Variants in GALNT10 observed in about 807,000 individuals in gnomAD.
The protein encoded by GALNT10 is GalNAc transferase 10.
Under a neutral mutation model 75.0 loss-of-function variants are expected in GALNT10, and 41 were observed. The ratio of observed to expected loss-of-function variants is 0.55; its 90% CI spans 0.43 to 0.71. The LOEUF is 0.71. Ranked by LOEUF, GALNT10 falls within the 30% of genes least tolerant of loss-of-function variation. The pLI, the probability that GALNT10 is intolerant of heterozygous loss-of-function variation, is 0.00. For missense variants in GALNT10, 727 were observed against 818.5 expected, an observed-to-expected ratio of 0.89 and a Z score of 1.36; for synonymous variants, 302 against 313.0, an observed-to-expected ratio of 0.96 and a Z score of 0.37.
intron 1 of GALNT10, among the ~76,000 whole-genome samples, chr5:154,285,998 G>C (rs138763671): frequency 3.7e-4 from 56 of 152,176 alleles, no homozygotes; most frequent in African/African-American, 1.3e-3. Context: ...TCTTTCTACT[G>C]AGTTAACCTG....
intron 1 of GALNT10, among the ~76,000 whole-genome samples, chr5:154,238,451 A>G (rs1753281873): frequency 6.6e-6 from 1 of 152,184 alleles, no homozygotes; most frequent in South Asian, 2.1e-4. Context: ...GAATTAATCT[A>G]TTTCAGGCAG....
At chr5:154,415,253 A>G (rs980908789) in intron 10 of GALNT10, among the ~76,000 whole-genome samples, 3 of 152,224 alleles carry the variant, frequency 2.0e-5, no homozygotes, top group African/African-American at 7.2e-5. Context: ...CTGACATGAT[A>G]TGATAGCTGA....
chr5:154,336,916 C>G (rs1440413006), intron 4 of GALNT10, among the ~76,000 whole-genome samples: 1 of 152,178 alleles, frequency 6.6e-6, no homozygotes, highest in African/African-American at 2.4e-5. Context: ...CAGACCTCTT[C>G]TTTCTACTTA....
chr5:154,316,024 C>T (rs1016770943), intron 3 of GALNT10, among the ~76,000 whole-genome samples: 1 of 152,216 alleles, frequency 6.6e-6, no homozygotes, highest in Non-Finnish European at 1.5e-5. Flanking sequence ...CAAACTACTT[C>T]TGAGAAAAGA....
intron 1 of GALNT10, among the ~76,000 whole-genome samples, chr5:154,213,513 C>T (rs1271309617): frequency 6.6e-6 from 1 of 152,194 alleles, no homozygotes; most frequent in African/African-American, 2.4e-5. Flanking sequence ...AATGCTTTCC[C>T]TCTTGAGGGG....
At chr5:154,399,298 C>T (rs1271375216) in intron 7 of GALNT10, among the ~76,000 whole-genome samples, 1 of 152,150 alleles carries the variant, frequency 6.6e-6, no homozygotes, top group Admixed American at 6.5e-5. Flanking sequence ...GATCTGTGGC[C>T]AGCACCACCC....
intron 3 of GALNT10, among the ~76,000 whole-genome samples, chr5:154,299,692 G>A (rs1754332778): frequency 6.6e-6 from 1 of 152,212 alleles, no homozygotes; most frequent in Non-Finnish European, 1.5e-5. Context: ...CTACTTTGTA[G>A]ATGTAAAAGA....
chr5:154,370,672 A>G (rs1755550158), intron 4 of GALNT10, among the ~76,000 whole-genome samples: 1 of 152,242 alleles, frequency 6.6e-6, no homozygotes. Context: ...AAGAGGGAAC[A>G]GAGACTGACT....
intron 7 of GALNT10, among the ~76,000 whole-genome samples, chr5:154,395,077 G>A (rs1013334285): frequency 6.6e-6 from 1 of 152,240 alleles, no homozygotes; most frequent in Non-Finnish European, 1.5e-5. Flanking sequence ...TCGCCTGTGT[G>A]TATGTTACTC....
At chr5:154,242,959 C>T (rs1310751252) in intron 1 of GALNT10, among the ~76,000 whole-genome samples, 1 of 152,178 alleles carries the variant, frequency 6.6e-6, no homozygotes, top group African/African-American at 2.4e-5. Flanking sequence ...GCTTAAATTA[C>T]TTTCCTAAGA....
chr5:154,220,772 A>C (rs147858490), intron 1 of GALNT10, among the ~76,000 whole-genome samples: 2 of 152,164 alleles, frequency 1.3e-5, no homozygotes, highest in African/African-American at 2.4e-5. Flanking sequence ...AAGTCCAGGT[A>C]CCTTTCTGAC....
chr5:154,265,838 A>G (rs1378800214), intron 1 of GALNT10, among the ~76,000 whole-genome samples: 2 of 152,122 alleles, frequency 1.3e-5, no homozygotes, highest in African/African-American at 4.8e-5. Context: ...CATGCATTTG[A>G]AAATCGCCAA....
chr5:154,210,071 A>G (rs992912290), intron 1 of GALNT10, among the ~76,000 whole-genome samples: 1 of 152,194 alleles, frequency 6.6e-6, no homozygotes, highest in Admixed American at 6.5e-5. Flanking sequence ...GTTGACCTGC[A>G]TCATTTTCAT....
intron 3 of GALNT10, among the ~76,000 whole-genome samples, chr5:154,307,065 C>A (rs1163451242): frequency 6.6e-6 from 1 of 152,122 alleles, no homozygotes; most frequent in Non-Finnish European, 1.5e-5. Context: ...GATGACATAA[C>A]TATAGATTCT....
At chr5:154,253,404 A>T (rs1245107093) in intron 1 of GALNT10, among the ~76,000 whole-genome samples, 2 of 65,550 alleles carry the variant, frequency 3.1e-5, no homozygotes, top group African/African-American at 5.7e-5. Context: ...GGGTGGGGGG[A>T]GGGGGAAGGG....
Position 154,293,594 on chromosome 5 carries a change from G to GAT in GALNT10, c.160-1203_160-1202dup, listed in dbSNP as rs754824803. On this transcript the variant is annotated intron_variant, in intron 1 of 11. Transcript: ENST00000297107. ...CCCTGGGGGCTGCTCTCTTGGGGCT[G>GAT]ATATATATATATATATATATTTTTT... Among the ~76,000 whole-genome samples, 828 of 140,698 alleles carry GAT rather than the reference G, an allele frequency of 5.9e-3. 21 individuals are homozygous for GAT. The highest frequency in any genetic ancestry group is 0.019 in the South Asian group (87 of 4,596). The allele number at this position is 140,698 out of a possible 152,430, so 92.3% of individuals were successfully genotyped here.
At chr5:154,221,560 G>T (rs1752978588) in intron 1 of GALNT10, among the ~76,000 whole-genome samples, 1 of 152,162 alleles carries the variant, frequency 6.6e-6, no homozygotes, top group African/African-American at 2.4e-5. Context: ...ACCATTATAA[G>T]CCTGCTTTTG....
rs2113229608 is a variant in GALNT10 at position 154,416,078 on chromosome 5, G to A, written c.1653+146G>A. On this transcript the variant is annotated intron_variant, in intron 11 of 11. Coordinates refer to ENST00000297107, the MANE Select transcript of GALNT10 (RefSeq NM_198321.4). This position sits in a 1 kb window ranked among gnomAD's most constrained non-coding sequence, Gnocchi z 4.5. The stretch of plus-strand genomic sequence containing the variant: ...TGCCGGATTTTGTAGTCATTCAAGA[G>A]TAGTCAGAAATCTAGACTTCACTGT... 1.4e-6 allele frequency: 1 copy of A among 719,944 alleles called. No homozygotes were observed. The highest frequency in any genetic ancestry group is 2.7e-5 in the East Asian group (1 of 36,690). The allele number at this position is 719,944 out of a possible 1,614,324, so 44.6% of individuals were successfully genotyped here.
intron 3 of GALNT10, among the ~76,000 whole-genome samples, chr5:154,304,429 T>A (rs1754401712): frequency 6.6e-6 from 1 of 152,146 alleles, no homozygotes; most frequent in African/African-American, 2.4e-5. Context: ...AGAATTCTTG[T>A]TGTAAACAGT....
Sources: allele counts gnomAD v4.1 joint callset (sites outside exome capture counted in the v4.1 genomes callset), GRCh38; gene constraint gnomAD v4.1.1; non-coding constraint Gnocchi (gnomAD v3.1); transcripts MANE v1.5; gene names NCBI Gene and HGNC (gene_info 2026-07-23, HGNC 2026-07-21).